The following BMP6 variants were observed in gnomAD, a reference collection of about 807,000 sequenced individuals.
BMP6 encodes bone morphogenetic protein 6, also known as VG-1-R.
BMP6 carries 17 observed loss-of-function variants against 54.1 expected under a neutral mutation model. That is an observed-to-expected ratio of 0.31 (90% confidence interval 0.22 to 0.47). BMP6 has a LOEUF of 0.47. Among genes scored for constraint, BMP6 ranks in the 20% least tolerant of loss-of-function variants. The pLI is 1.00. For missense variants in BMP6, 720 were observed against 690.4 expected (o/e 1.04, Z -0.48); for synonymous variants, 328 against 291.2 (o/e 1.13, Z -1.28).
chr6:7,846,162 T>A (rs1304468455), intron 2 of BMP6, among the ~76,000 whole-genome samples: 1 of 152,172 alleles, frequency 6.6e-6, no homozygotes, highest in African/African-American at 2.4e-5. Flanking sequence ...GCAGGTGATA[T>A]GACGGTCTGG....
At chr6:7,795,697 G>C (rs992817996) in intron 1 of BMP6, among the ~76,000 whole-genome samples, 2 of 152,158 alleles carry the variant, frequency 1.3e-5, no homozygotes, top group Non-Finnish European at 2.9e-5. Flanking sequence ...GCAGAGAGAT[G>C]AGGGCCTGGG....
intron 1 of BMP6, among the ~76,000 whole-genome samples, chr6:7,766,728 CATT>C (rs1757697282): frequency 6.6e-6 from 1 of 152,118 alleles, no homozygotes; most frequent in African/African-American, 2.4e-5. Context: ...TAGCCTACAT[CATT>C]AAATAAAATC....
chr6:7,799,789 A>G (rs1469401473), intron 1 of BMP6, among the ~76,000 whole-genome samples: 1 of 151,964 alleles, frequency 6.6e-6, no homozygotes, highest in African/African-American at 2.4e-5. Context: ...GCATATTATC[A>G]TAGAGTCTTT....
intron 1 of BMP6, among the ~76,000 whole-genome samples, chr6:7,762,384 G>A (rs193149145): frequency 6.6e-6 from 1 of 152,136 alleles, no homozygotes; most frequent in South Asian, 2.1e-4. Flanking sequence ...GATCTTGAAG[G>A]TTTGCTTTAA....
At chr6:7,866,001 G>C (rs1759416003) in intron 4 of BMP6, among the ~76,000 whole-genome samples, 1 of 152,224 alleles carries the variant, frequency 6.6e-6, no homozygotes, top group African/African-American at 2.4e-5. Context: ...GTGCACAGCA[G>C]TGGAGAGGCC....
chr6:7,734,739 C>G (rs1761927274), intron 1 of BMP6, among the ~76,000 whole-genome samples: 1 of 152,220 alleles, frequency 6.6e-6, no homozygotes, highest in Non-Finnish European at 1.5e-5. Context: ...CTTCCCATCT[C>G]CATTATTAAG....
rs1761739128 is a variant in BMP6 at position 7,727,050 on chromosome 6, C to T, written c.95C>T (p.Pro32Leu). The change falls in exon 1 of 7, where the codon CCC (proline) becomes CTC (leucine). Residue 32 changes from proline to leucine, a missense_variant. Physicochemically the swap from Pro to Leu is moderately conservative, Grantham distance 98 (BLOSUM62 -3). Around this residue, in one of 3 missense-constraint regions of BMP6, gnomAD observed 650 missense variants for 556.3 expected, o/e 1.17. Coordinates refer to ENST00000283147, the MANE Select transcript of BMP6 (RefSeq NM_001718.6). ...CCCCCGCCGCTGCGGCCGCCCTTGC[C>T]CGCTGCCGCGGCCGCCGCCGCCGGG... Reference protein sequence around the residue: ...CGPPPLRPPLPAAAAAAAGGQ... With the variant: ...CGPPPLRPPLLAAAAAAAGGQ... 3 of 1,176,188 alleles carry T rather than the reference C, an allele frequency of 2.6e-6. No individual in the cohort carries two copies. The highest frequency in any genetic ancestry group is 2.1e-6 in the Non-Finnish European group (2 of 954,692). 72.9% of individuals were successfully genotyped at this position (1,176,188 alleles called of 1,614,324 possible).
chr6:7,741,106 G>A (rs1191845271), intron 1 of BMP6, among the ~76,000 whole-genome samples: 1 of 151,920 alleles, frequency 6.6e-6, no homozygotes, highest in Non-Finnish European at 1.5e-5. Context: ...TATTTACCTG[G>A]TGAAACTGCC....
At chr6:7,745,832 G>A (rs1159388812) in intron 1 of BMP6, among the ~76,000 whole-genome samples, 1 of 152,080 alleles carries the variant, frequency 6.6e-6, no homozygotes, top group Non-Finnish European at 1.5e-5. Flanking sequence ...GCCGGGTGTG[G>A]TGGTGCCTGC....
At chr6:7,789,776 C>A (rs966842521) in intron 1 of BMP6, among the ~76,000 whole-genome samples, 4 of 152,110 alleles carry the variant, frequency 2.6e-5, no homozygotes, top group African/African-American at 9.7e-5. Context: ...AAATGAATGA[C>A]CCTCCTATCC....
chr6:7,736,193 G>A (rs1761953507), intron 1 of BMP6, among the ~76,000 whole-genome samples: 1 of 152,184 alleles, frequency 6.6e-6, no homozygotes, highest in African/African-American at 2.4e-5. Context: ...TGACTGAGGT[G>A]TCTGTCACCA....
chr6:7,879,107 G>A lies in BMP6; in HGVS notation c.1238G>A (p.Arg413Lys), dbSNP rs763804588. Residue 413 changes from arginine to lysine, a missense_variant, in exon 5 of 7, where the codon AGG (arginine) becomes AAG (lysine). Transcript: ENST00000283147. Reference protein sequence around the residue: ...YNSSELKTACRKHELYVSFQD... With the variant: ...YNSSELKTACKKHELYVSFQD... Reference sequence around the variant, plus strand: ...AGCAGTGAATTGAAAACAGCCTGCAGGAAGCATGAGCTGTATGTGAGTTTC... The same window carrying A: ...AGCAGTGAATTGAAAACAGCCTGCAAGAAGCATGAGCTGTATGTGAGTTTC... 1 of 1,614,230 alleles carries A rather than the reference G, an allele frequency of 6.2e-7. No individual in the cohort carries two copies.
rs80112485 is a variant in BMP6, at chr6:7,739,944, T to C, written c.664+12325T>C. 9.2e-3 allele frequency among the ~76,000 whole-genome samples: 1,395 copies of C among 152,326 alleles called. 27 individuals carry two copies. The highest frequency in any genetic ancestry group is 0.032 in the African/African-American group (1,332 of 41,572). On this transcript the variant is annotated intron_variant, in intron 1 of 6. Transcript: ENST00000283147. The stretch of plus-strand genomic sequence containing the variant: ...GCCTGCTCACTCTTGGTTCCTTTCC[T>C]GTCTTGAAGACTGCTGCTGTATTTG...
At chr6:7,813,178 G>T (rs1457534778) in intron 1 of BMP6, among the ~76,000 whole-genome samples, 1 of 115,872 alleles carries the variant, frequency 8.6e-6, no homozygotes, top group African/African-American at 3.4e-5. Context: ...GTAGATAAGG[G>T]ATCTTCATGA....
intron 1 of BMP6, among the ~76,000 whole-genome samples, chr6:7,746,954 A>G (rs1312779732): frequency 1.3e-5 from 2 of 152,182 alleles, no homozygotes; most frequent in African/African-American, 2.4e-5. Context: ...AGGTAGCGTG[A>G]GAGAGAGCTG....
intron 4 of BMP6, among the ~76,000 whole-genome samples, chr6:7,863,268 G>T (rs1759365594): frequency 6.6e-6 from 1 of 152,228 alleles, no homozygotes; most frequent in South Asian, 2.1e-4. Flanking sequence ...AAAGTGCTGG[G>T]ATTACAGGCA....
chr6:7,749,807 A>G (rs962216754), intron 1 of BMP6, among the ~76,000 whole-genome samples: 1 of 152,228 alleles, frequency 6.6e-6, no homozygotes, highest in Non-Finnish European at 1.5e-5. Context: ...TTCATGGATA[A>G]TGAGCATCAG....
At chr6:7,822,025 CTT>C (rs558981095) in intron 1 of BMP6, among the ~76,000 whole-genome samples, 1 of 145,840 alleles carries the variant, frequency 6.9e-6, no homozygotes. Flanking sequence ...GCAGGAGGGA[CTT>C]TTTTTTTTTT....
At chr6:7,850,565 A>G (rs868646125) in intron 2 of BMP6, among the ~76,000 whole-genome samples, 3 of 152,204 alleles carry the variant, frequency 2.0e-5, no homozygotes, top group Non-Finnish European at 4.4e-5. Flanking sequence ...AATCTTACCT[A>G]TTTTACAGAC....
Sources: gnomAD v4.1 joint callset for allele counts (sites outside exome capture counted in the v4.1 genomes callset) on GRCh38, gnomAD v4.1.1 for gene constraint, gnomAD v4.1.1 regional missense constraint, MANE v1.5 for transcripts, NCBI Gene and HGNC (gene_info 2026-07-23, HGNC 2026-07-21) for gene names.